The following MYH8 variants were observed in gnomAD, a reference collection of about 807,000 sequenced individuals.
MYH8 encodes myosin-8.
MYH8 carries 168 observed loss-of-function variants against 233.2 expected under a neutral mutation model. The observed-to-expected ratio is 0.72, with a 90% CI of 0.64 to 0.82. The LOEUF (loss-of-function observed/expected upper bound fraction) is 0.82, where lower values mean the gene tolerates loss of function less well. Ranked by LOEUF, MYH8 falls within the 40% of genes least tolerant of loss-of-function variation. The pLI, the probability that MYH8 is intolerant of heterozygous loss-of-function variation, is 0.00. For synonymous variants in MYH8, 785 were observed against 850.6 expected (o/e 0.92, Z 1.34); for missense variants, 1,995 against 2,327.8 (o/e 0.86, Z 2.94).
intron 34 of MYH8, among the ~76,000 whole-genome samples, chr17:10,394,741 G>A (rs1194263028): frequency 2.0e-5 from 3 of 152,192 alleles, no homozygotes; most frequent in Non-Finnish European, 2.9e-5. Flanking sequence ...CTTGACATCT[G>A]TTATTTCATT....
At chr17:10,409,065 A>G in intron 17 of MYH8, 32 bp downstream of exon 17, 1 of 1,583,168 alleles carries the variant, frequency 6.3e-7, no homozygotes, top group Middle Eastern at 1.7e-4. Context: ...ATAGAAACTG[A>G]GTAGATATTT....
Position 10,401,574 on chromosome 17 carries a change from A to G in MYH8, c.2900T>C (p.Val967Ala), listed in dbSNP as rs758389483. ...CTCCGTGGCATGTTTCTCCTTCTCAACCTTGGCCAGTGTCAGCTCAAGGTC... is the reference window on the plus strand; with the variant it reads ...CTCCGTGGCATGTTTCTCCTTCTCAGCCTTGGCCAGTGTCAGCTCAAGGTC... ...IDDLELTLAK[V>A]EKEKHATENK... The change falls in exon 23 of 40, where the codon GTT becomes GCT. Residue 967 changes from valine to alanine, a missense_variant. By Grantham distance (64) the Val-to-Ala change is moderately conservative. This residue lies in a region of MYH8 where 1,498 missense variants were observed against 1,680.9 expected (regional missense o/e 0.89). Coordinates refer to ENST00000403437, the MANE Select transcript of MYH8 (RefSeq NM_002472.3). The G allele has an allele frequency of 1.9e-5, 31 of 1,613,988 alleles. No individual in the cohort carries two copies. The highest frequency in any genetic ancestry group is 5.3e-5 in the African/African-American group (4 of 74,946).
In MYH8 at chr17:10,419,907, A is replaced by T; in HGVS notation, c.210+111T>A. 1 of 1,169,422 alleles carries T rather than the reference A, an allele frequency of 8.6e-7. No homozygotes were observed. Among genetic ancestry groups the T allele is most frequent in the East Asian group, 2.3e-5 (1 of 42,812 alleles). 72.4% of individuals were successfully genotyped at this position (1,169,422 alleles called of 1,614,324 possible). ...TTCCACATCTAATGTCTCAACACTG[A>T]CTAGAAGGGTGTTTGCATTGGCAAC... On this transcript the variant is annotated intron_variant, in intron 3 of 39. Transcript: ENST00000403437. This position sits in a 1 kb window ranked among gnomAD's most constrained non-coding sequence, Gnocchi z 4.0.
At chr17:10,407,932 T>A (rs1192557282) in intron 17 of MYH8, among the ~76,000 whole-genome samples, 5 of 151,698 alleles carry the variant, frequency 3.3e-5, no homozygotes, top group Admixed American at 3.3e-4. Flanking sequence ...GATATACTCT[T>A]AAGAAGGCAG....
rs776869211 is a variant in MYH8 at position 10,394,299 on chromosome 17, C to G, written c.5116G>C (p.Glu1706Gln). 6 of 1,613,868 alleles carry G rather than the reference C, an allele frequency of 3.7e-6. No individual in the cohort carries two copies. In the South Asian group the frequency reaches 4.4e-5, roughly 12 times the overall value. The change falls in exon 35 of 40, where the codon GAA becomes CAA. Residue 1706 changes from glutamate to glutamine, a missense_variant. Glu to Gln is a conservative substitution (Grantham distance 29). Transcript: ENST00000403437. ...EQTERSRKIA[E>Q]QELLDASERV... Reference sequence around the variant, plus strand: ...TCACTGGCATCCAGGAGCTCCTGTTCGGCGATTTTCCTGCTTCTCTCTGTC... The same window carrying G: ...TCACTGGCATCCAGGAGCTCCTGTTGGGCGATTTTCCTGCTTCTCTCTGTC...
rs768054029 is a variant in MYH8, at chr17:10,409,386, A to G, written c.1790T>C (p.Leu597Pro). 1.2e-6 allele frequency: 2 copies of G among 1,614,228 alleles called. No homozygotes were observed. Among genetic ancestry groups the G allele is most frequent in the Admixed American group, 1.7e-5 (1 of 60,024 alleles). ...GTVDYNITGWLDKNKDPLNDT... is the reference protein window; with the variant it reads ...GTVDYNITGWPDKNKDPLNDT... ...ATTCAGGGGGTCCTTATTTTTGTCCAGCCAGCCAGTAATGTTGTAGTCCAC... is the reference window on the plus strand; with the variant it reads ...ATTCAGGGGGTCCTTATTTTTGTCCGGCCAGCCAGTAATGTTGTAGTCCAC... The change falls in exon 16 of 40, where the codon CTG (leucine) becomes CCG (proline). Residue 597 changes from leucine (L) to proline (P), a missense_variant. Coordinates refer to ENST00000403437, the MANE Select transcript of MYH8 (RefSeq NM_002472.3).
Position 10,406,132 on chromosome 17 carries a change from C to T in MYH8, c.2341G>A (p.Asp781Asn). ...GLLGLLEEMRDEKLAQIITRT... is the reference protein window; with the variant it reads ...GLLGLLEEMRNEKLAQIITRT... Reference sequence around the variant, plus strand: ...GTTATAATTTGGGCTAATTTTTCATCTCTCATTTCTTCCAGAAGACCCAGA... The same window carrying T: ...GTTATAATTTGGGCTAATTTTTCATTTCTCATTTCTTCCAGAAGACCCAGA... Residue 781 changes from aspartate (D) to asparagine (N), a missense_variant, in exon 21 of 40, where the codon GAT (aspartate) becomes AAT (asparagine). By Grantham distance (23) the Asp-to-Asn change is conservative. Around this residue, in one of 3 missense-constraint regions of MYH8, gnomAD observed 1,498 missense variants for 1,680.9 expected, o/e 0.89. Coordinates refer to ENST00000403437, the MANE Select transcript of MYH8 (RefSeq NM_002472.3). The T allele has an allele frequency of 3.1e-6, 5 of 1,614,116 alleles. No individual in the cohort carries two copies. Among genetic ancestry groups the T allele is most frequent in the Non-Finnish European group, 4.2e-6 (5 of 1,180,006 alleles).
At position 10,399,561 on chromosome 17, in the gene MYH8, G is replaced by C. The variant is rs748488880; in HGVS notation, c.3844C>G (p.Arg1282Gly). Reference sequence around the variant, plus strand: ...TCTTTACCCGCTTCTGTCTGCAGGCGCGCTCTCTGTGCTGTGAGGTCATTG... The same window carrying C: ...TCTTTACCCGCTTCTGTCTGCAGGCCCGCTCTCTGTGCTGTGAGGTCATTG... Reference protein sequence around the residue: ...LINDLTAQRARLQTEAGEYSR... With the variant: ...LINDLTAQRAGLQTEAGEYSR... The change falls in exon 28 of 40, where the codon CGC (arginine) becomes GGC (glycine). Residue 1282 changes from arginine (R) to glycine (G), a missense_variant. This residue lies in a region of MYH8 where 1,498 missense variants were observed against 1,680.9 expected (regional missense o/e 0.89). Coordinates refer to ENST00000403437, the MANE Select transcript of MYH8 (RefSeq NM_002472.3). 2 of 1,613,666 alleles carry C rather than the reference G, an allele frequency of 1.2e-6. No homozygotes were observed. Among genetic ancestry groups the C allele is most frequent in the Admixed American group, 3.3e-5 (2 of 60,016 alleles).
chr17:10,420,036 TACGGTTACTTTCCCTCC>T lies in MYH8; in HGVS notation c.175_191del (p.Gly59LysfsTer3). 6.2e-7 allele frequency: 1 copy of T among 1,614,210 alleles called. No individual in the cohort carries two copies. The highest frequency in any genetic ancestry group is 8.5e-7 in the Non-Finnish European group (1 of 1,180,012). On this transcript the variant is annotated frameshift_variant, in exon 3 of 40. Transcript: ENST00000403437. LOFTEE classifies it high-confidence loss of function. ...CACTTACTGCTCCACCTTCAGTCTT[TACGGTTACTTTCCCTCC>T]TTCTTTGCTTTGTATAGTGCTCTTC...
chr17:10,399,986 G>A (rs932476915), intron 27 of MYH8, among the ~76,000 whole-genome samples: 1 of 152,188 alleles, frequency 6.6e-6, no homozygotes, highest in East Asian at 1.9e-4. Flanking sequence ...GGCGGATCAT[G>A]AGGTTAGGAG....
At chr17:10,392,031 TG>T in intron 38 of MYH8, 54 bp from the exon 39 acceptor site, 1 of 1,447,574 alleles carries the variant, frequency 6.9e-7, no homozygotes. Context: ...AAGGCTACTC[TG>T]GGTACTAAAA....
intron 4 of MYH8, 26 bp downstream of exon 4, chr17:10,418,861 A>G: frequency 6.2e-7 from 1 of 1,614,046 alleles, no homozygotes; most frequent in Non-Finnish European, 8.5e-7. Flanking sequence ...GAGACATGAA[A>G]TAAAAAGGTG....
chr17:10,409,266 A>G lies in MYH8; in HGVS notation c.1897+13T>C. ...AGAATGGATTTAATTTAGATTAAGG[A>G]CACAGAAAGTACCTGCTTCAGCACT... On this transcript the variant is annotated intron_variant, in intron 16 of 39. Transcript: ENST00000403437. The G allele has an allele frequency of 6.2e-7, 1 of 1,614,136 alleles. No homozygotes were observed. The highest frequency in any genetic ancestry group is 8.5e-7 in the Non-Finnish European group (1 of 1,179,924).
chr17:10,404,843 T>C (rs1281758124), intron 21 of MYH8, among the ~76,000 whole-genome samples: 1 of 152,118 alleles, frequency 6.6e-6, no homozygotes, highest in Middle Eastern at 3.2e-3. Flanking sequence ...GAGCACATCT[T>C]CTGTGTTCTC....
chr17:10,420,499 G>A (rs1027495780), intron 2 of MYH8, among the ~76,000 whole-genome samples: 12 of 152,116 alleles, frequency 7.9e-5, no homozygotes, highest in African/African-American at 2.4e-4. Flanking sequence ...TCAGGGATAG[G>A]GTACCTACAA....
At chr17:10,418,302 T>C (rs913087170) in intron 5 of MYH8, among the ~76,000 whole-genome samples, 1 of 152,234 alleles carries the variant, frequency 6.6e-6, no homozygotes, top group Non-Finnish European at 1.5e-5. Flanking sequence ...AAAAAGTCTG[T>C]TTGAACACTT....
rs185811727 is a variant in MYH8, at chr17:10,418,941, G to T, written c.300C>A (p.His100Gln). The change falls in exon 4 of 40, where the codon CAC (histidine) becomes CAA (glutamine). Residue 100 changes from histidine to glutamine, a missense_variant. His to Gln is a conservative substitution (Grantham distance 24). This residue lies in a region of MYH8 where 479 missense variants were observed against 600.9 expected (regional missense o/e 0.80). Transcript: ENST00000403437. ...TGAGGTTGTACAGCACTCCAGGCTCGTGTAGATGAGTCATCATGGCCATGT... is the reference window on the plus strand; with the variant it reads ...TGAGGTTGTACAGCACTCCAGGCTCTTGTAGATGAGTCATCATGGCCATGT... ...IEDMAMMTHL[H>Q]EPGVLYNLKE... is the part of the protein sequence containing the mutation. The T allele has an allele frequency of 6.2e-7, 1 of 1,614,184 alleles. No individual in the cohort carries two copies. Among genetic ancestry groups the T allele is most frequent in the East Asian group, 2.2e-5 (1 of 44,884 alleles).
At chr17:10,394,578 T>TCTGATTATGGTTAGGTCATTTGC in intron 34 of MYH8, 126 bp from the exon 35 acceptor site, 1 of 1,189,668 alleles carries the variant, frequency 8.4e-7, no homozygotes, top group South Asian at 1.3e-5. Context: ...TTTGAATGCA[T>TCTGATTATGGTTAGGTCATTTGC]CTGATTATGG....
chr17:10,408,028 C>T (rs984188102), intron 17 of MYH8, among the ~76,000 whole-genome samples: 1 of 150,700 alleles, frequency 6.6e-6, no homozygotes, highest in Non-Finnish European at 1.5e-5. Context: ...GCAACCTCTA[C>T]CTCCTGGGTG....
Sources: allele counts gnomAD v4.1 joint callset (sites outside exome capture counted in the v4.1 genomes callset), GRCh38; gene constraint gnomAD v4.1.1; regional missense constraint gnomAD v4.1.1; non-coding constraint Gnocchi (gnomAD v3.1); transcripts MANE v1.5; gene names NCBI Gene and HGNC (gene_info 2026-07-23, HGNC 2026-07-21).